The following SLC4A10 variants were observed in gnomAD, a reference collection of about 807,000 sequenced individuals.
SLC4A10 encodes the protein sodium-driven chloride bicarbonate exchanger.
Under a neutral mutation model 137.7 loss-of-function variants are expected in SLC4A10, and 42 were observed. That is an observed-to-expected ratio of 0.30 (90% CI 0.24 to 0.39). The LOEUF is 0.39. Ranked by LOEUF, SLC4A10 falls within the 10% of genes least tolerant of loss-of-function variation. The pLI, the probability that SLC4A10 is intolerant of heterozygous loss-of-function variation, is 1.00. For missense variants in SLC4A10, 925 were observed against 1,355.0 expected, an observed-to-expected ratio of 0.68 and a Z score of 4.98; for synonymous variants, 474 against 464.1, an observed-to-expected ratio of 1.02 and a Z score of -0.27.
intron 1 of SLC4A10, chr2:161,708,929 T>C: frequency 3.1e-6 from 4 of 1,306,160 alleles, no homozygotes; most frequent in Non-Finnish European, 4.1e-6. Flanking sequence ...TAATTGTTTA[T>C]TGTCAGACTT....
At chr2:161,838,409 A>G (rs1170444408) in intron 3 of SLC4A10, among the ~76,000 whole-genome samples, 3 of 152,166 alleles carry the variant, frequency 2.0e-5, no homozygotes, top group Non-Finnish European at 4.4e-5. Flanking sequence ...AATCTTTGTG[A>G]CCTTTAGGCA....
chr2:161,972,999 G>T (rs140694898), intron 23 of SLC4A10, among the ~76,000 whole-genome samples: 18 of 152,310 alleles, frequency 1.2e-4, no homozygotes, highest in African/African-American at 4.3e-4. Context: ...GCCAAGGTCT[G>T]TTTACCAAGG....
At chr2:161,762,936 G>T (rs1024807041) in intron 1 of SLC4A10, among the ~76,000 whole-genome samples, 2 of 151,898 alleles carry the variant, frequency 1.3e-5, no homozygotes, top group Non-Finnish European at 2.9e-5. Flanking sequence ...ATTAATATCA[G>T]AAAATGTTTT....
chr2:161,631,630 C>T (rs2033577629), intron 1 of SLC4A10, among the ~76,000 whole-genome samples: 1 of 151,606 alleles, frequency 6.6e-6, no homozygotes, highest in Non-Finnish European at 1.5e-5. Flanking sequence ...AACTATTTCA[C>T]TTGAGTCACA....
At chr2:161,639,273 T>C (rs1356356669) in intron 1 of SLC4A10, among the ~76,000 whole-genome samples, 1 of 152,158 alleles carries the variant, frequency 6.6e-6, no homozygotes, top group Non-Finnish European at 1.5e-5. Flanking sequence ...CAAACTCATT[T>C]GATAAGGCCA....
At chr2:161,939,142 T>A (rs987754323) in intron 15 of SLC4A10, among the ~76,000 whole-genome samples, 3 of 152,160 alleles carry the variant, frequency 2.0e-5, no homozygotes, top group African/African-American at 7.2e-5. Flanking sequence ...AGTGATGCAA[T>A]CTCTGCTCAC....
Position 161,853,598 on chromosome 2 carries a change from T to G in SLC4A10, c.417-1372T>G, listed in dbSNP as rs956365539. ...CCATCACATGATCTATGAGGTATTA[T>G]GGCCCTGTTTAGGACTGAAAAACTT... On this transcript the variant is annotated intron_variant, in intron 4 of 26. Transcript: ENST00000446997. Among the ~76,000 whole-genome samples, 13 of 152,222 alleles carry G rather than the reference T, an allele frequency of 8.5e-5. 1 individual carries two copies. The highest frequency in any genetic ancestry group is 7.9e-4 in the Admixed American group (12 of 15,272).
chr2:161,627,330 G>A (rs967426505), intron 1 of SLC4A10, among the ~76,000 whole-genome samples: 1 of 152,036 alleles, frequency 6.6e-6, no homozygotes, highest in Non-Finnish European at 1.5e-5. Context: ...GGGAGGTGGC[G>A]TTTTTTAGTT....
chr2:161,665,726 G>A (rs2038961610), intron 1 of SLC4A10, among the ~76,000 whole-genome samples: 1 of 151,034 alleles, frequency 6.6e-6, no homozygotes, highest in Non-Finnish European at 1.5e-5. Flanking sequence ...TTTTGCACAA[G>A]CAAACTTCAC....
chr2:161,795,491 A>G (rs1391212678), intron 2 of SLC4A10, among the ~76,000 whole-genome samples: 1 of 152,088 alleles, frequency 6.6e-6, no homozygotes, highest in African/African-American at 2.4e-5. Flanking sequence ...CATCAAAGCC[A>G]CAGATATATC....
intron 1 of SLC4A10, among the ~76,000 whole-genome samples, chr2:161,752,270 AT>A (rs1282857932): frequency 3.3e-5 from 5 of 151,668 alleles, no homozygotes; most frequent in African/African-American, 4.8e-5. Context: ...TATTATTATT[AT>A]TTTTTTGCCT....
At chr2:161,905,035 TC>T in intron 14 of SLC4A10, 126 bp downstream of exon 14, 1 of 924,810 alleles carries the variant, frequency 1.1e-6, no homozygotes, top group Non-Finnish European at 1.6e-6. Flanking sequence ...TTTCAGTTTA[TC>T]ATTTTTGCTT....
At chr2:161,633,898 C>T (rs2033994175) in intron 1 of SLC4A10, among the ~76,000 whole-genome samples, 1 of 151,576 alleles carries the variant, frequency 6.6e-6, no homozygotes, top group African/African-American at 2.4e-5. Flanking sequence ...CATTTTTTAG[C>T]TTTTTATTTT....
intron 1 of SLC4A10, among the ~76,000 whole-genome samples, chr2:161,704,368 C>T (rs2043433239): frequency 6.6e-6 from 1 of 151,426 alleles, no homozygotes; most frequent in Non-Finnish European, 1.5e-5. Context: ...AAAGTTTAGT[C>T]AATGAAAGTA....
intron 1 of SLC4A10, among the ~76,000 whole-genome samples, chr2:161,683,276 C>T (rs1361250816): frequency 6.6e-6 from 1 of 152,182 alleles, no homozygotes; most frequent in Non-Finnish European, 1.5e-5. Flanking sequence ...GTTTAGTTTA[C>T]TAGCCCTTAG....
At chr2:161,808,148 A>G (rs2056186641) in intron 3 of SLC4A10, among the ~76,000 whole-genome samples, 1 of 152,082 alleles carries the variant, frequency 6.6e-6, no homozygotes, top group African/African-American at 2.4e-5. Context: ...GAGAATGTAT[A>G]TTATTAGTTC....
intron 15 of SLC4A10, among the ~76,000 whole-genome samples, chr2:161,924,245 A>G (rs916066824): frequency 6.6e-6 from 1 of 152,082 alleles, no homozygotes; most frequent in African/African-American, 2.4e-5. Context: ...AGACAGGAAA[A>G]TGGGATTTTT....
Position 161,692,929 on chromosome 2 carries a change from C to CAA in SLC4A10, c.48+68373_48+68374dup, listed in dbSNP as rs5835880. The stretch of plus-strand genomic sequence containing the variant: ...TCGTAAATTGACAAATCTTGGTGAG[C>CAA]AAAAAAAAAAATTGTATTGTTTTTA... On this transcript the variant is annotated intron_variant, in intron 1 of 26. Coordinates refer to ENST00000446997, the MANE Select transcript of SLC4A10 (RefSeq NM_001178015.2). Among the ~76,000 whole-genome samples, 439 of 149,582 alleles carry CAA rather than the reference C, an allele frequency of 2.9e-3. 3 individuals are homozygous for CAA. The highest frequency in any genetic ancestry group is 8.4e-3 in the African/African-American group (342 of 40,890).
At chr2:161,775,043 T>C (rs1458926974) in intron 2 of SLC4A10, among the ~76,000 whole-genome samples, 1 of 151,836 alleles carries the variant, frequency 6.6e-6, no homozygotes, top group Non-Finnish European at 1.5e-5. Context: ...TATGATAGTA[T>C]ATGAAAATCA....
Sources: gnomAD v4.1 joint callset for allele counts (sites outside exome capture counted in the v4.1 genomes callset) on GRCh38, gnomAD v4.1.1 for gene constraint, MANE v1.5 for transcripts, NCBI Gene and HGNC (gene_info 2026-07-23, HGNC 2026-07-21) for gene names.